The following KCND2 variants were observed in gnomAD, a reference collection of about 807,000 sequenced individuals.
The protein encoded by KCND2 is A-type voltage-gated potassium channel KCND2.
Under a neutral mutation model 54.4 loss-of-function variants are expected in KCND2, and 16 were observed. The observed-to-expected ratio is 0.29, with a 90% CI of 0.20 to 0.45. KCND2 has a LOEUF of 0.45. KCND2 is among the 20% of genes least tolerant of loss of function. The pLI is 1.00. For synonymous variants in KCND2, 317 were observed against 310.7 expected (o/e 1.02, Z -0.21); for missense variants, 486 against 824.2 (o/e 0.59, Z 5.02).
rs180945220 is a variant in KCND2, at chr7:120,682,989, G to A, written c.1116-49914G>A. On this transcript the variant is annotated intron_variant, in intron 1 of 5. Transcript: ENST00000331113. ...TAAAGGTCAGCCTTCCCAAGTGTCA[G>A]GGACTTCTAGAAGACTCCCCAACTA... Among the ~76,000 whole-genome samples, 757 of 152,234 alleles carry A rather than the reference G, an allele frequency of 5.0e-3. 8 individuals are homozygous for A. Among genetic ancestry groups the A allele is most frequent in the Admixed American group, 0.023 (356 of 15,268 alleles).
At chr7:120,642,293 T>G (rs1363216731) in intron 1 of KCND2, among the ~76,000 whole-genome samples, 1 of 151,592 alleles carries the variant, frequency 6.6e-6, no homozygotes, top group Non-Finnish European at 1.5e-5. Flanking sequence ...CTCACGCCTG[T>G]AATTCCAGCA....
At chr7:120,505,359 C>G (rs1802998291) in intron 1 of KCND2, among the ~76,000 whole-genome samples, 1 of 151,596 alleles carries the variant, frequency 6.6e-6, no homozygotes, top group South Asian at 2.1e-4. Flanking sequence ...GACGGAGAAA[C>G]AGAATTTGTA....
chr7:120,406,475 A>C (rs1228299488), intron 1 of KCND2, among the ~76,000 whole-genome samples: 1 of 151,982 alleles, frequency 6.6e-6, no homozygotes, highest in African/African-American at 2.4e-5. Context: ...AGACATGGGG[A>C]GAATTCAGGT....
At chr7:120,476,452 A>G (rs1562849439) in intron 1 of KCND2, among the ~76,000 whole-genome samples, 1 of 152,222 alleles carries the variant, frequency 6.6e-6, no homozygotes, top group Non-Finnish European at 1.5e-5. Flanking sequence ...AATACATGTC[A>G]ATTAATTAGA....
intron 4 of KCND2, 69 bp from the exon 5 acceptor site, chr7:120,745,711 T>C: frequency 6.6e-7 from 1 of 1,525,604 alleles, no homozygotes; most frequent in Non-Finnish European, 9.1e-7. Context: ...GCTTTAAAAA[T>C]AAAGCTATGT....
At position 120,677,522 on chromosome 7, in the gene KCND2, T is replaced by TAG. The variant is rs1175591624; in HGVS notation, c.1116-55380_1116-55379insGA. Reference sequence around the variant, plus strand: ...CATTGGTGGTAAGAATTCAAATATATATATATAGATATAGATATAGATATA... The same window carrying TAG: ...CATTGGTGGTAAGAATTCAAATATATAGATATATAGATATAGATATAGATATA... On this transcript the variant is annotated intron_variant, in intron 1 of 5. Transcript: ENST00000331113. Among the ~76,000 whole-genome samples, 8 of 138,828 alleles carry TAG rather than the reference T, an allele frequency of 5.8e-5. No individual in the cohort carries two copies. In the South Asian group the frequency reaches 8.9e-4, roughly 15 times the overall value. 91.1% of individuals were successfully genotyped at this position (138,828 alleles called of 152,430 possible).
chr7:120,674,996 T>C (rs933616562), intron 1 of KCND2, among the ~76,000 whole-genome samples: 1 of 150,198 alleles, frequency 6.7e-6, no homozygotes, highest in Non-Finnish European at 1.5e-5. Flanking sequence ...TTTCATCTTA[T>C]TCCAGCCTCC....
chr7:120,397,995 G>GTGTA (rs1563033104), intron 1 of KCND2, among the ~76,000 whole-genome samples: 1 of 93,140 alleles, frequency 1.1e-5, no homozygotes, highest in African/African-American at 4.4e-5. Flanking sequence ...GTGTGTGTGT[G>GTGTA]TATATATATA....
At chr7:120,406,137 T>A (rs550575754) in intron 1 of KCND2, among the ~76,000 whole-genome samples, 4 of 152,082 alleles carry the variant, frequency 2.6e-5, no homozygotes, top group African/African-American at 9.6e-5. Context: ...GCATATGATA[T>A]CTGGTGAATA....
At chr7:120,587,325 A>T (rs1411982892) in intron 1 of KCND2, among the ~76,000 whole-genome samples, 1 of 152,182 alleles carries the variant, frequency 6.6e-6, no homozygotes, top group Non-Finnish European at 1.5e-5. Context: ...AAAAGTGGAG[A>T]TAGAAATCTT....
intron 1 of KCND2, among the ~76,000 whole-genome samples, chr7:120,684,559 T>C (rs945067660): frequency 6.6e-6 from 1 of 152,140 alleles, no homozygotes; most frequent in Non-Finnish European, 1.5e-5. Context: ...TCTAGGTAGT[T>C]ACTTTGAGTA....
chr7:120,311,995 C>G (rs1563005539), intron 1 of KCND2, among the ~76,000 whole-genome samples: 2 of 152,170 alleles, frequency 1.3e-5, no homozygotes, highest in Non-Finnish European at 2.9e-5. Context: ...ACCTCCACCT[C>G]CTGGGTTCAA....
intron 1 of KCND2, among the ~76,000 whole-genome samples, chr7:120,549,097 C>A (rs1562870377): frequency 1.3e-5 from 2 of 151,988 alleles, no homozygotes; most frequent in South Asian, 2.1e-4. Flanking sequence ...ACCCCACATC[C>A]ATTAAGATGT....
chr7:120,399,916 G>C (rs1347602721), intron 1 of KCND2, among the ~76,000 whole-genome samples: 37 of 151,956 alleles, frequency 2.4e-4, no homozygotes, highest in Admixed American at 1.3e-4. Context: ...AGCAGAGACA[G>C]AGTTTGACCA....
intron 1 of KCND2, among the ~76,000 whole-genome samples, chr7:120,388,082 G>A (rs1457149906): frequency 6.6e-6 from 1 of 151,996 alleles, no homozygotes; most frequent in East Asian, 1.9e-4. Flanking sequence ...TTGTTTGAAT[G>A]TTTACTAATT....
chr7:120,712,241 ATTTTTTTTTTTTTTTTTTTTTTTTT>A (rs869059871), intron 1 of KCND2, among the ~76,000 whole-genome samples: 4 of 34,784 alleles, frequency 1.1e-4, no homozygotes, highest in African/African-American at 2.4e-4. Context: ...GGATATCTGA[ATTTTTTTTTTTTTTTTTTTTTTTTT>A]TTTTTTTTTT....
intron 1 of KCND2, among the ~76,000 whole-genome samples, chr7:120,679,367 T>G (rs1438968761): frequency 2.0e-5 from 3 of 151,994 alleles, no homozygotes; most frequent in Non-Finnish European, 1.5e-5. Context: ...ATGGATTCTG[T>G]TTACCTCAGA....
intron 4 of KCND2, among the ~76,000 whole-genome samples, chr7:120,743,794 C>T (rs1392374077): frequency 6.6e-6 from 1 of 152,142 alleles, no homozygotes. Flanking sequence ...AAGGCAGTGT[C>T]CAGATAATGT....
chr7:120,483,835 C>G (rs1802649648), intron 1 of KCND2, among the ~76,000 whole-genome samples: 1 of 152,002 alleles, frequency 6.6e-6, no homozygotes, highest in Non-Finnish European at 1.5e-5. Flanking sequence ...TTAGACATGT[C>G]GAGTGTATAA....
Sources: allele counts gnomAD v4.1 joint callset (sites outside exome capture counted in the v4.1 genomes callset), GRCh38; gene constraint gnomAD v4.1.1; transcripts MANE v1.5; gene names NCBI Gene and HGNC (gene_info 2026-07-23, HGNC 2026-07-21).